The following CNTN5 variants were observed in gnomAD, a reference collection of about 807,000 sequenced individuals.
The protein encoded by CNTN5 is contactin 5, also known as contactin-5.
CNTN5 carries 77 observed loss-of-function variants against 129.1 expected under a neutral mutation model. The observed-to-expected ratio is 0.60, with a 90% CI of 0.50 to 0.72. The LOEUF (loss-of-function observed/expected upper bound fraction) is 0.72. Among genes scored for constraint, CNTN5 ranks in the 30% least tolerant of loss-of-function variants. CNTN5 has a pLI of 0.00. For synonymous variants in CNTN5, 509 were observed against 465.6 expected (o/e 1.09, Z -1.20); for missense variants, 1,478 against 1,328.8 (o/e 1.11, Z -1.75).
At chr11:99,041,420 A>T (rs571092583) in intron 1 of CNTN5, among the ~76,000 whole-genome samples, 21 of 152,254 alleles carry the variant, frequency 1.4e-4, no homozygotes, top group Non-Finnish European at 7.4e-5. Flanking sequence ...TACTTAAGTA[A>T]CCACTCTCAC....
intron 3 of CNTN5, among the ~76,000 whole-genome samples, chr11:99,611,746 G>A (rs764956620): frequency 2.6e-5 from 4 of 151,980 alleles, no homozygotes; most frequent in South Asian, 2.1e-4. Context: ...CCTTTTTTCC[G>A]TCATTCTAAT....
chr11:100,207,001 G>GA (rs1486248343), intron 15 of CNTN5, among the ~76,000 whole-genome samples: 1 of 151,942 alleles, frequency 6.6e-6, no homozygotes, highest in Non-Finnish European at 1.5e-5. Flanking sequence ...TCAATGTCAG[G>GA]AAAAATGTGA....
At chr11:99,656,299 C>T (rs1017308348) in intron 3 of CNTN5, among the ~76,000 whole-genome samples, 2 of 152,076 alleles carry the variant, frequency 1.3e-5, no homozygotes, top group African/African-American at 4.8e-5. Flanking sequence ...CTCTTTCTCC[C>T]TCCACCTTCT....
intron 2 of CNTN5, among the ~76,000 whole-genome samples, chr11:99,354,196 A>G (rs951511517): frequency 1.3e-5 from 2 of 152,238 alleles, no homozygotes; most frequent in East Asian, 1.9e-4. Context: ...CTCATTTAGT[A>G]TAACATGAAT....
At chr11:99,477,275 T>A (rs1486320250) in intron 2 of CNTN5, among the ~76,000 whole-genome samples, 1 of 152,010 alleles carries the variant, frequency 6.6e-6, no homozygotes, top group Admixed American at 6.6e-5. Context: ...CTACATAAGA[T>A]GCAGTTCTCT....
chr11:99,313,894 A>G (rs1267639552), intron 1 of CNTN5, among the ~76,000 whole-genome samples: 1 of 151,994 alleles, frequency 6.6e-6, no homozygotes, highest in East Asian at 1.9e-4. Context: ...TTCTTGACCC[A>G]ATAAGGAATT....
intron 3 of CNTN5, among the ~76,000 whole-genome samples, chr11:99,815,697 C>T (rs1946565076): frequency 6.6e-6 from 1 of 152,140 alleles, no homozygotes; most frequent in African/African-American, 2.4e-5. Flanking sequence ...GCTGTGTGCA[C>T]ACCCTCTGCA....
At chr11:99,485,860 T>C (rs554644280) in intron 2 of CNTN5, among the ~76,000 whole-genome samples, 2 of 152,128 alleles carry the variant, frequency 1.3e-5, no homozygotes, top group East Asian at 1.9e-4. Context: ...TCATTCATAG[T>C]AGGCAATCAA....
At chr11:100,015,388 A>T (rs141307863) in intron 9 of CNTN5, among the ~76,000 whole-genome samples, 24 of 152,278 alleles carry the variant, frequency 1.6e-4, no homozygotes, top group South Asian at 1.2e-3. Flanking sequence ...AATGAAAAAC[A>T]AACTGTGATA....
At chr11:99,584,306 A>G (rs1477203332) in intron 3 of CNTN5, among the ~76,000 whole-genome samples, 1 of 152,174 alleles carries the variant, frequency 6.6e-6, no homozygotes, top group Non-Finnish European at 1.5e-5. Context: ...CTTTTCTCCT[A>G]GCTCACCATA....
chr11:99,621,165 C>A (rs1950938032), intron 3 of CNTN5, among the ~76,000 whole-genome samples: 1 of 152,130 alleles, frequency 6.6e-6, no homozygotes, highest in Non-Finnish European at 1.5e-5. Context: ...GGATTGGAAC[C>A]ATTGTTCAGT....
intron 2 of CNTN5, among the ~76,000 whole-genome samples, chr11:99,479,242 A>G (rs1213544734): frequency 6.6e-6 from 1 of 150,378 alleles, no homozygotes; most frequent in Non-Finnish European, 1.5e-5. Context: ...CTTTTAATCT[A>G]TCAGGTTCAG....
chr11:99,371,359 T>C (rs1167380393), intron 2 of CNTN5, among the ~76,000 whole-genome samples: 1 of 152,040 alleles, frequency 6.6e-6, no homozygotes, highest in African/African-American at 2.4e-5. Flanking sequence ...CCTGAAATAA[T>C]TATACATATG....
chr11:100,307,546 G>A (rs1951381030), intron 20 of CNTN5, among the ~76,000 whole-genome samples: 1 of 151,432 alleles, frequency 6.6e-6, no homozygotes, highest in South Asian at 2.1e-4. Flanking sequence ...AAAGGTCACT[G>A]AATGTAGAAA....
intron 3 of CNTN5, among the ~76,000 whole-genome samples, chr11:99,643,229 A>ATGTG (rs1555059103): frequency 6.6e-6 from 1 of 151,458 alleles, no homozygotes; most frequent in African/African-American, 2.4e-5. Context: ...AAAGTCTTGA[A>ATGTG]TATGTGTGTG....
intron 1 of CNTN5, among the ~76,000 whole-genome samples, chr11:99,115,430 A>G (rs1298848807): frequency 6.6e-6 from 1 of 152,202 alleles, no homozygotes; most frequent in African/African-American, 2.4e-5. Context: ...ATTAGAAATC[A>G]GTGTTGACAT....
chr11:99,669,231 A>G (rs896247332), intron 3 of CNTN5, among the ~76,000 whole-genome samples: 2 of 152,154 alleles, frequency 1.3e-5, no homozygotes, highest in African/African-American at 4.8e-5. Context: ...ATCAACGAAA[A>G]TAAGACTTGA....
intron 8 of CNTN5, among the ~76,000 whole-genome samples, chr11:99,992,868 T>C (rs1939202891): frequency 6.6e-6 from 1 of 152,194 alleles, no homozygotes; most frequent in Non-Finnish European, 1.5e-5. Context: ...CATCTTCTAA[T>C]GGCACGTAAT....
rs1361384790 is a variant in CNTN5 at position 99,411,767 on chromosome 11, AC to A, written c.-71+86284del. ...ATCAGACAAGGATTTTAAGCCATGC[AC>A]TATTTGTTTAAAAATTTCTAAACTT... On this transcript the variant is annotated intron_variant, in intron 2 of 24. Coordinates refer to ENST00000524871, the MANE Select transcript of CNTN5 (RefSeq NM_014361.4). Among the ~76,000 whole-genome samples, 13 of 152,286 alleles carry A rather than the reference AC, an allele frequency of 8.5e-5. No homozygotes were observed. In the East Asian group the frequency reaches 2.5e-3, roughly 29 times the overall value.
Sources: gnomAD v4.1 joint callset for allele counts (sites outside exome capture counted in the v4.1 genomes callset) on GRCh38, gnomAD v4.1.1 for gene constraint, MANE v1.5 for transcripts, NCBI Gene and HGNC (gene_info 2026-07-23, HGNC 2026-07-21) for gene names.